ANO10: variants seen among roughly 807,000 people sequenced by gnomAD.
ANO10 encodes anoctamin 10, also known as anoctamin-10.
ANO10 carries 77 observed loss-of-function variants against 74.7 expected under a neutral mutation model. The observed-to-expected ratio is 1.03, with a 90% CI of 0.86 to 1.25. The LOEUF (loss-of-function observed/expected upper bound fraction) is 1.25. Ranked by LOEUF, ANO10 falls within the 50% of genes most tolerant of loss-of-function variation. ANO10 has a pLI of 0.00. For missense variants in ANO10, 721 were observed against 778.1 expected (o/e 0.93, Z 0.87); for synonymous variants, 279 against 284.9 (o/e 0.98, Z 0.21).
At chr3:43,549,997 T>C (rs1230620017) in intron 10 of ANO10, 149 bp from the exon 11 acceptor site, 1 of 929,990 alleles carries the variant, frequency 1.1e-6, no homozygotes, top group Non-Finnish European at 1.6e-6. Context: ...TCTGTCATGG[T>C]ATGATTTTTT....
chr3:43,579,307 G>C (rs1317453969), intron 5 of ANO10, among the ~76,000 whole-genome samples: 1 of 152,110 alleles, frequency 6.6e-6, no homozygotes, highest in East Asian at 1.9e-4. Flanking sequence ...AAAGATGTTT[G>C]GCCTGCTAGT....
intron 12 of ANO10, among the ~76,000 whole-genome samples, chr3:43,412,802 G>A (rs908127040): frequency 2.0e-5 from 3 of 152,220 alleles, no homozygotes; most frequent in African/African-American, 7.2e-5. Context: ...TGTAATCCCA[G>A]CACTTTGGGA....
intron 1 of ANO10, among the ~76,000 whole-genome samples, chr3:43,660,338 T>C (rs1347734649): frequency 6.6e-6 from 1 of 151,984 alleles, no homozygotes; most frequent in Non-Finnish European, 1.5e-5. Context: ...CACATGCAAG[T>C]TAAAAACCTT....
intron 12 of ANO10, among the ~76,000 whole-genome samples, chr3:43,371,684 C>T (rs1286975960): frequency 6.6e-6 from 1 of 152,150 alleles, no homozygotes; most frequent in African/African-American, 2.4e-5. Context: ...CACCTTGCAA[C>T]CACAAGCAAG....
Position 43,598,391 on chromosome 3 carries a change from G to A in ANO10, c.472+141C>T, listed in dbSNP as rs533891965. The A allele has an allele frequency of 2.2e-5, 17 of 780,788 alleles. No individual in the cohort carries two copies. In the African/African-American group the frequency reaches 3.0e-4, roughly 14 times the overall value. The allele number at this position is 780,788 out of a possible 1,614,324, so 48.4% of individuals were successfully genotyped here. On this transcript the variant is annotated intron_variant, in intron 4 of 12. Transcript: ENST00000292246. ...TTGATTTAAAGATGCAATATACTGAGGTTCCAAAGGGAAAAGATATGTTCA... is the reference window on the plus strand; with the variant it reads ...TTGATTTAAAGATGCAATATACTGAAGTTCCAAAGGGAAAAGATATGTTCA...
chr3:43,399,107 C>T (rs973013531), intron 12 of ANO10, among the ~76,000 whole-genome samples: 3 of 152,190 alleles, frequency 2.0e-5, no homozygotes, highest in Admixed American at 2.0e-4. Flanking sequence ...GGATTATAGG[C>T]GTAAGCCACC....
intron 11 of ANO10, among the ~76,000 whole-genome samples, chr3:43,544,054 C>T (rs1014106163): frequency 6.6e-6 from 1 of 152,018 alleles, no homozygotes; most frequent in Admixed American, 6.6e-5. Context: ...AGATATCAGG[C>T]CATTTCTATT....
chr3:43,527,354 T>C (rs1009326953), intron 11 of ANO10, among the ~76,000 whole-genome samples: 3 of 152,066 alleles, frequency 2.0e-5, no homozygotes, highest in African/African-American at 7.2e-5. Context: ...ATTCAAATAA[T>C]ATAAAATAAA....
At chr3:43,586,116 C>T (rs910436173) in intron 4 of ANO10, among the ~76,000 whole-genome samples, 1 of 152,166 alleles carries the variant, frequency 6.6e-6, no homozygotes, top group Non-Finnish European at 1.5e-5. Context: ...GGATGGTAAA[C>T]CACAGTCCCC....
intron 1 of ANO10, chr3:43,618,014 A>C (rs2083204735): frequency 6.6e-6 from 1 of 152,298 alleles, no homozygotes; most frequent in South Asian, 2.1e-4. Context: ...CAGAGACACT[A>C]CTTACCTACA....
intron 4 of ANO10, among the ~76,000 whole-genome samples, chr3:43,596,232 T>C (rs938453725): frequency 2.0e-5 from 3 of 152,128 alleles, no homozygotes; most frequent in African/African-American, 2.4e-5. Flanking sequence ...AAGCTACCAA[T>C]GACTTTCTTC....
chr3:43,521,086 C>A (rs556506750), intron 11 of ANO10, among the ~76,000 whole-genome samples: 1 of 152,168 alleles, frequency 6.6e-6, no homozygotes, highest in African/African-American at 2.4e-5. Flanking sequence ...GAGCACATCA[C>A]CTGCAAAGAG....
At chr3:43,456,198 A>G (rs1033355252) in intron 11 of ANO10, among the ~76,000 whole-genome samples, 1 of 152,198 alleles carries the variant, frequency 6.6e-6, no homozygotes, top group Admixed American at 6.6e-5. Flanking sequence ...GGACGCTACA[A>G]AAATAGAATC....
intron 11 of ANO10, among the ~76,000 whole-genome samples, chr3:43,545,617 C>A (rs1005814137): frequency 6.6e-6 from 1 of 152,170 alleles, no homozygotes; most frequent in Non-Finnish European, 1.5e-5. Flanking sequence ...CTGCCCACCT[C>A]GGCCTCCTAA....
At chr3:43,432,549 T>C (rs1208197948) in intron 12 of ANO10, 62 bp downstream of exon 12, 6 of 1,347,076 alleles carry the variant, frequency 4.5e-6, no homozygotes, top group Non-Finnish European at 6.4e-6. Context: ...CTGATTCTTC[T>C]GAATTATTTT....
In ANO10 at chr3:43,518,705, G is replaced by T. The variant is rs2077818285; in HGVS notation, c.1797+31015C>A. ...AATGTCTGTCTTATATGTCGATAAGGGATGAAATAAGCCCCGGTCTCCTGT... is the reference window on the plus strand; with the variant it reads ...AATGTCTGTCTTATATGTCGATAAGTGATGAAATAAGCCCCGGTCTCCTGT... On this transcript the variant is annotated intron_variant, in intron 11 of 12. Transcript: ENST00000292246. Among the ~76,000 whole-genome samples the T allele has an allele frequency of 2.0e-5, 3 of 152,236 alleles. No homozygotes were observed. In the South Asian group the frequency reaches 6.2e-4, roughly 32 times the overall value.
Position 43,576,895 on chromosome 3 carries a change from G to A in ANO10, c.959C>T (p.Pro320Leu). ...GAAATAGAGGCAGAGGCACACGAAT[G>A]GCAGGGAGACCAGGTAAATGCGCAA... ...RQLRIYLVSL[P>L]FVCLCLYFSL... Residue 320 changes from proline to leucine, a missense_variant, in exon 6 of 13, where the codon CCA (proline) becomes CTA (leucine). Pro to Leu is a moderately conservative substitution (Grantham distance 98, BLOSUM62 -3). Coordinates refer to ENST00000292246, the MANE Select transcript of ANO10 (RefSeq NM_018075.5). 6.2e-7 allele frequency: 1 copy of A among 1,614,160 alleles called. No homozygotes were observed. The highest frequency in any genetic ancestry group is 8.5e-7 in the Non-Finnish European group (1 of 1,180,038).
At chr3:43,432,117 C>CT (rs796692983) in intron 12 of ANO10, among the ~76,000 whole-genome samples, 14,439 of 133,910 alleles carry the variant, frequency 0.11, 846 homozygotes, top group Non-Finnish European at 0.12. Flanking sequence ...TCCAGCATGG[C>CT]TTTTTTTTTT....
intron 12 of ANO10, among the ~76,000 whole-genome samples, chr3:43,397,695 G>A (rs1329783212): frequency 2.6e-5 from 4 of 152,130 alleles, no homozygotes; most frequent in African/African-American, 9.7e-5. Context: ...ATAGTAAATG[G>A]AGCCCTCAGC....
Sources: gnomAD v4.1 joint callset for allele counts (sites outside exome capture counted in the v4.1 genomes callset) on GRCh38, gnomAD v4.1.1 for gene constraint, MANE v1.5 for transcripts, NCBI Gene and HGNC (gene_info 2026-07-23, HGNC 2026-07-21) for gene names.